Variants in PDE4D observed in about 807,000 individuals in gnomAD.
The protein encoded by PDE4D is 3',5'-cyclic-AMP phosphodiesterase 4D.
In PDE4D, 24 loss-of-function variants were observed where a neutral mutation model predicts 87.4. The observed-to-expected ratio is 0.27, with a 90% CI of 0.20 to 0.39. The LOEUF (loss-of-function observed/expected upper bound fraction) is 0.39, where lower values mean the gene tolerates loss of function less well. Ranked by LOEUF, PDE4D falls within the 10% of genes least tolerant of loss-of-function variation. The pLI is 1.00. For synonymous variants in PDE4D, 384 were observed against 383.2 expected (o/e 1.00, Z -0.02); for missense variants, 714 against 1,041.0 (o/e 0.69, Z 4.32).
chr5:60,006,132 A>G (rs1012542287), intron 2 of PDE4D, among the ~76,000 whole-genome samples: 6 of 151,900 alleles, frequency 3.9e-5, no homozygotes, highest in African/African-American at 1.4e-4. Flanking sequence ...ATTTGAAAAT[A>G]ATTGTAGAGG....
At chr5:60,410,273 G>C (rs1401428731) in intron 1 of PDE4D, among the ~76,000 whole-genome samples, 1 of 152,142 alleles carries the variant, frequency 6.6e-6, no homozygotes, top group Non-Finnish European at 1.5e-5. Context: ...AGTGCGATCA[G>C]TGGACACCAT....
intron 1 of PDE4D, among the ~76,000 whole-genome samples, chr5:60,294,611 A>G (rs1259257027): frequency 1.3e-5 from 2 of 152,150 alleles, no homozygotes; most frequent in African/African-American, 4.8e-5. Flanking sequence ...ATTTATAAAT[A>G]AGCCTCTCCA....
chr5:59,409,002 G>T (rs1792193591), intron 1 of PDE4D, among the ~76,000 whole-genome samples: 1 of 152,060 alleles, frequency 6.6e-6, no homozygotes, highest in Admixed American at 6.5e-5. Flanking sequence ...ACAAAAATTA[G>T]CTGGGCATGA....
At chr5:59,869,054 T>A (rs1428023410) in intron 1 of PDE4D, among the ~76,000 whole-genome samples, 1 of 152,212 alleles carries the variant, frequency 6.6e-6, no homozygotes, top group Non-Finnish European at 1.5e-5. Flanking sequence ...TTTATGTTCA[T>A]TTATTGTGCT....
intron 5 of PDE4D, among the ~76,000 whole-genome samples, chr5:59,082,040 T>C (rs954775557): frequency 2.6e-5 from 4 of 152,160 alleles, no homozygotes; most frequent in African/African-American, 9.7e-5. Context: ...CATTCTGCCA[T>C]GATTATAAGT....
intron 1 of PDE4D, among the ~76,000 whole-genome samples, chr5:59,452,013 G>A (rs1038288483): frequency 6.6e-6 from 1 of 152,202 alleles, no homozygotes; most frequent in Non-Finnish European, 1.5e-5. Context: ...GGCCTTGAAT[G>A]TGGCCCAACA....
intron 1 of PDE4D, among the ~76,000 whole-genome samples, chr5:59,817,900 T>C (rs1174600990): frequency 2.0e-5 from 3 of 152,132 alleles, no homozygotes; most frequent in Non-Finnish European, 4.4e-5. Context: ...AAATGATTGT[T>C]ATTTAAGCCA....
chr5:59,349,081 T>C (rs1780086684), intron 1 of PDE4D, among the ~76,000 whole-genome samples: 1 of 152,096 alleles, frequency 6.6e-6, no homozygotes, highest in Admixed American at 6.6e-5. Context: ...ACCCTGCCTC[T>C]AAAATAAGTA....
intron 1 of PDE4D, among the ~76,000 whole-genome samples, chr5:59,524,901 G>C (rs1812811115): frequency 6.6e-6 from 1 of 152,208 alleles, no homozygotes. Context: ...CAGAAGTCAA[G>C]AACTGAGGTT....
At chr5:60,112,222 A>T (rs1777756044) in intron 2 of PDE4D, among the ~76,000 whole-genome samples, 1 of 152,134 alleles carries the variant, frequency 6.6e-6, no homozygotes, top group Non-Finnish European at 1.5e-5. Context: ...TATACTTTTT[A>T]AAAAGCTTGA....
intron 1 of PDE4D, among the ~76,000 whole-genome samples, chr5:59,351,912 T>C (rs1202313424): frequency 6.6e-6 from 1 of 152,170 alleles, no homozygotes; most frequent in African/African-American, 2.4e-5. Context: ...CCTCTCATTA[T>C]GGAATTTTTT....
chr5:59,229,104 TACTC>T (rs1056856357), intron 1 of PDE4D, among the ~76,000 whole-genome samples: 53 of 152,288 alleles, frequency 3.5e-4, no homozygotes, highest in African/African-American at 1.1e-3. Flanking sequence ...TTTATCATCT[TACTC>T]ACCCCATTAG....
intron 1 of PDE4D, among the ~76,000 whole-genome samples, chr5:60,208,391 AAG>A (rs1742798399): frequency 6.6e-6 from 1 of 152,154 alleles, no homozygotes; most frequent in Admixed American, 6.5e-5. Flanking sequence ...GTGAGCAGGG[AAG>A]AGAGGAGTAG....
At chr5:59,240,201 T>C (rs1757357926) in intron 1 of PDE4D, among the ~76,000 whole-genome samples, 1 of 152,072 alleles carries the variant, frequency 6.6e-6, no homozygotes, top group Non-Finnish European at 1.5e-5. Context: ...CAGAACAAAG[T>C]TCTGTTATTA....
rs375984550 is a variant in PDE4D, at chr5:59,222,425, A to G, written c.456-6457T>C. 1.3e-3 allele frequency among the ~76,000 whole-genome samples: 192 copies of G among 152,282 alleles called. 2 individuals carry two copies. Among genetic ancestry groups the G allele is most frequent in the African/African-American group, 4.5e-3 (187 of 41,558 alleles). ...GCTTTCCTCATCTATCCTAGCCATC[A>G]GGACCTTATACTTAGCACTGACCCC... is the stretch of plus-strand genomic sequence containing the variant. On this transcript the variant is annotated intron_variant, in intron 1 of 14. Coordinates refer to ENST00000340635, the MANE Select transcript of PDE4D (RefSeq NM_001104631.2).
At chr5:59,958,292 C>T (rs1315999569) in intron 3 of PDE4D, among the ~76,000 whole-genome samples, 1 of 152,104 alleles carries the variant, frequency 6.6e-6, no homozygotes, top group Admixed American at 6.6e-5. Flanking sequence ...CATTTTTACA[C>T]TCTTGGGCAA....
rs1252797476 is a variant in PDE4D at position 59,523,377 on chromosome 5, T to G, written c.456-307409A>C. 1.1e-4 allele frequency among the ~76,000 whole-genome samples: 17 copies of G among 152,248 alleles called. 1 individual carries two copies. The highest frequency in any genetic ancestry group is 6.5e-5 in the Admixed American group (1 of 15,288). On this transcript the variant is annotated intron_variant, in intron 1 of 14. Transcript: ENST00000340635. Reference sequence around the variant, plus strand: ...CTAAGATATTACGCAAACTAAACTCTAAATTGAGTTTTCTATTTCTATTTG... The same window carrying G: ...CTAAGATATTACGCAAACTAAACTCGAAATTGAGTTTTCTATTTCTATTTG...
chr5:60,169,009 T>A (rs1160853973), intron 2 of PDE4D, among the ~76,000 whole-genome samples: 1 of 152,198 alleles, frequency 6.6e-6, no homozygotes, highest in Non-Finnish European at 1.5e-5. Context: ...TACTACTTTT[T>A]TCATTTTGTT....
At chr5:60,374,461 C>T (rs921648653) in intron 1 of PDE4D, among the ~76,000 whole-genome samples, 1 of 152,168 alleles carries the variant, frequency 6.6e-6, no homozygotes, top group Admixed American at 6.5e-5. Context: ...GCCTAGGGTA[C>T]TCTAAGCCCT....
Sources: allele counts gnomAD v4.1 joint callset (sites outside exome capture counted in the v4.1 genomes callset), GRCh38; gene constraint gnomAD v4.1.1; transcripts MANE v1.5; gene names NCBI Gene and HGNC (gene_info 2026-07-23, HGNC 2026-07-21).